Variants in FRAS1 observed in about 807,000 individuals in gnomAD.
FRAS1 encodes the protein extracellular matrix organizing protein FRAS1.
In FRAS1, 290 loss-of-function variants were observed where a neutral mutation model predicts 435.2. The ratio of observed to expected loss-of-function variants is 0.67; its 90% confidence interval spans 0.61 to 0.73. The LOEUF is 0.73. Ranked by LOEUF, FRAS1 falls within the 30% of genes least tolerant of loss-of-function variation. The pLI is 0.00. For synonymous variants in FRAS1, 1,800 were observed against 1,851.0 expected (o/e 0.97, Z 0.71); for missense variants, 4,860 against 5,001.5 (o/e 0.97, Z 0.85).
chr4:78,393,286 C>T (rs12508660), intron 29 of FRAS1, among the ~76,000 whole-genome samples: 36,685 of 151,870 alleles, frequency 0.24, 4,816 homozygotes, highest in Admixed American at 0.31. Flanking sequence ...TAGTCATAGG[C>T]ACTATGCTAT....
chr4:78,218,299 G>A (rs1723890328), intron 2 of FRAS1, among the ~76,000 whole-genome samples: 1 of 151,380 alleles, frequency 6.6e-6, no homozygotes, highest in Non-Finnish European at 1.5e-5. Flanking sequence ...CAGCACACTA[G>A]GCTACCCTAA....
rs991323126 is a variant in FRAS1 at position 78,508,720 on chromosome 4, C to T, written c.9505-11C>T. 1 of 1,613,416 alleles carries T rather than the reference C, an allele frequency of 6.2e-7. No homozygotes were observed. Among genetic ancestry groups the T allele is most frequent in the Non-Finnish European group, 8.5e-7 (1 of 1,179,660 alleles). ...CCCAACCTGAACTGAAGCTTTGTTG[C>T]TCTTTCGCAGGTGGTCACACTTGCT... On this transcript the variant is annotated splice_polypyrimidine_tract_variant and intron_variant, in intron 62 of 73. Coordinates refer to ENST00000512123, the MANE Select transcript of FRAS1 (RefSeq NM_025074.7).
Position 78,271,827 on chromosome 4 carries a change from C to A in FRAS1, c.981+4395C>A, listed in dbSNP as rs1448741102. Among the ~76,000 whole-genome samples, 3 of 152,194 alleles carry A rather than the reference C, an allele frequency of 2.0e-5. No homozygotes were observed. The South Asian group carries it at 6.2e-4, about 32-fold the overall frequency. On this transcript the variant is annotated intron_variant, in intron 9 of 73. Transcript: ENST00000512123. Reference sequence around the variant, plus strand: ...TGATTTATAATCCTTTGGGTATACACCCAGTAATGGGATGGCTGGATCAAA... The same window carrying A: ...TGATTTATAATCCTTTGGGTATACAACCAGTAATGGGATGGCTGGATCAAA...
intron 2 of FRAS1, chr4:78,180,973 C>G (rs541932090): frequency 3.0e-5 from 49 of 1,610,706 alleles, no homozygotes; most frequent in Non-Finnish European, 4.0e-5. Flanking sequence ...CCATGTCCAC[C>G]TTGTCCTCCC....
intron 2 of FRAS1, among the ~76,000 whole-genome samples, chr4:78,115,378 T>G (rs1250910366): frequency 6.6e-6 from 1 of 152,166 alleles, no homozygotes; most frequent in Non-Finnish European, 1.5e-5. Context: ...CTTTTTCTAT[T>G]GATTGGAATA....
chr4:78,254,270 G>A (rs1399178921), intron 5 of FRAS1, among the ~76,000 whole-genome samples: 1 of 152,134 alleles, frequency 6.6e-6, no homozygotes, highest in African/African-American at 2.4e-5. Context: ...ACATGTAATA[G>A]CCAGAATACT....
chr4:78,298,038 A>G (rs905438545), intron 14 of FRAS1, among the ~76,000 whole-genome samples: 1 of 126,760 alleles, frequency 7.9e-6, no homozygotes, highest in African/African-American at 2.9e-5. Context: ...CTCTATATAT[A>G]TATATATATA....
intron 9 of FRAS1, among the ~76,000 whole-genome samples, chr4:78,273,331 T>C (rs866914174): frequency 2.5e-4 from 38 of 152,240 alleles, no homozygotes; most frequent in East Asian, 1.4e-3. Context: ...ATTGCCCTGG[T>C]CAGAACTTCC....
At chr4:78,155,303 AT>A (rs887793489) in intron 2 of FRAS1, among the ~76,000 whole-genome samples, 6 of 152,062 alleles carry the variant, frequency 3.9e-5, no homozygotes, top group Middle Eastern at 3.4e-3. Context: ...TCTAAACAAT[AT>A]TTTTTTTGGC....
At chr4:78,470,547 TAAC>T (rs1719669554) in intron 51 of FRAS1, among the ~76,000 whole-genome samples, 2 of 152,144 alleles carry the variant, frequency 1.3e-5, no homozygotes, top group South Asian at 4.2e-4. Flanking sequence ...CTGTGGATTC[TAAC>T]AACTGTGGCT....
rs1361248123 is a variant in FRAS1, at chr4:78,262,648, A to G, written c.604-2377A>G. 3.9e-5 allele frequency among the ~76,000 whole-genome samples: 6 copies of G among 152,254 alleles called. No homozygotes were observed. In the East Asian group the frequency reaches 1.2e-3, roughly 29 times the overall value. ...TATTTTCAAGAGTATTGTGCTGGGG[A>G]GAAATTTTGTCAAGAGCTTTCATCC... On this transcript the variant is annotated intron_variant, in intron 6 of 73. Transcript: ENST00000512123.
At chr4:78,472,621 G>C (rs537087487) in intron 52 of FRAS1, among the ~76,000 whole-genome samples, 3 of 152,152 alleles carry the variant, frequency 2.0e-5, no homozygotes, top group Admixed American at 2.0e-4. Flanking sequence ...ATGCTGCTTG[G>C]TTTTCTTTAA....
intron 2 of FRAS1, among the ~76,000 whole-genome samples, chr4:78,191,446 A>G (rs1722528249): frequency 6.6e-6 from 1 of 152,118 alleles, no homozygotes; most frequent in African/African-American, 2.4e-5. Context: ...ATTCATCAAT[A>G]TGTTAAAATA....
At chr4:78,218,704 A>G (rs1489243002) in intron 2 of FRAS1, among the ~76,000 whole-genome samples, 1 of 152,184 alleles carries the variant, frequency 6.6e-6, no homozygotes, top group Admixed American at 6.5e-5. Context: ...AGGTACTGAA[A>G]CAAATGTTGA....
At chr4:78,513,128 G>T (rs1034731783) in intron 64 of FRAS1, among the ~76,000 whole-genome samples, 4 of 150,930 alleles carry the variant, frequency 2.7e-5, no homozygotes, top group African/African-American at 9.7e-5. Flanking sequence ...TGGTTGTGAT[G>T]TTATCTTTTC....
At chr4:78,454,269 A>G (rs978092896) in intron 47 of FRAS1, among the ~76,000 whole-genome samples, 1 of 152,172 alleles carries the variant, frequency 6.6e-6, no homozygotes, top group Admixed American at 6.5e-5. Context: ...AAGACGCAGC[A>G]AGGAGACCAG....
At chr4:78,215,657 T>C (rs1224324835) in intron 2 of FRAS1, among the ~76,000 whole-genome samples, 1 of 152,238 alleles carries the variant, frequency 6.6e-6, no homozygotes, top group Non-Finnish European at 1.5e-5. Flanking sequence ...CTATTCTCGC[T>C]TTATGAATTT....
At chr4:78,357,890 C>T (rs1433368826) in intron 20 of FRAS1, among the ~76,000 whole-genome samples, 2 of 152,140 alleles carry the variant, frequency 1.3e-5, no homozygotes, top group African/African-American at 4.8e-5. Context: ...AACAGAGGGA[C>T]ACTTTGTCTT....
At chr4:78,109,387 A>T (rs1400492883) in intron 2 of FRAS1, among the ~76,000 whole-genome samples, 3 of 147,298 alleles carry the variant, frequency 2.0e-5, no homozygotes, top group Admixed American at 1.4e-4. Flanking sequence ...AGCACATCAA[A>T]AAGCTTATCC....
Sources: gnomAD v4.1 joint callset for allele counts (sites outside exome capture counted in the v4.1 genomes callset) on GRCh38, gnomAD v4.1.1 for gene constraint, MANE v1.5 for transcripts, NCBI Gene and HGNC (gene_info 2026-07-23, HGNC 2026-07-21) for gene names.